The following CPT1B variants were observed in gnomAD, a reference collection of about 807,000 sequenced individuals.
The protein encoded by CPT1B is carnitine O-palmitoyltransferase 1, muscle isoform.
Under a neutral mutation model 92.7 loss-of-function variants are expected in CPT1B, and 57 were observed. That is an observed-to-expected ratio of 0.62 (90% CI 0.50 to 0.77). CPT1B has a LOEUF of 0.77. Ranked by LOEUF, CPT1B falls within the 30% of genes least tolerant of loss-of-function variation. The pLI is 0.00. For missense variants in CPT1B, 983 were observed against 1,017.4 expected, an observed-to-expected ratio of 0.97 and a Z score of 0.46; for synonymous variants, 398 against 383.5, an observed-to-expected ratio of 1.04 and a Z score of -0.44.
At chr22:50,577,097 C>G in intron 3 of CPT1B, 63 bp from the exon 4 acceptor site, 2 of 1,581,142 alleles carry the variant, frequency 1.3e-6, no homozygotes, top group Non-Finnish European at 1.7e-6. Flanking sequence ...TGGCTGTGAA[C>G]TGTCTCAGGG....
chr22:50,574,419 C>G lies in CPT1B; in HGVS notation c.886G>C (p.Val296Leu), dbSNP rs375539120. 1 of 1,613,978 alleles carries G rather than the reference C, an allele frequency of 6.2e-7. No homozygotes were observed. Among genetic ancestry groups the G allele is most frequent in the Non-Finnish European group, 8.5e-7 (1 of 1,180,008 alleles). ...RKLDREEIKP[V>L]MALGIVPMCS... ...ATAGGCACTATGCCCAGTGCCATCA[C>G]CTGAGGGAAGGCCCAGCATGGCTCA... is the stretch of plus-strand genomic sequence containing the variant. The change falls in exon 9 of 20, where the codon GTG becomes CTG. Residue 296 changes from valine (V) to leucine (L), a missense_variant and splice_region_variant. By Grantham distance (32) the Val-to-Leu change is conservative (BLOSUM62 1). Transcript: ENST00000312108.
At position 50,573,529 on chromosome 22, in the gene CPT1B, G is replaced by A. The variant is rs947734932; in HGVS notation, c.1157C>T (p.Ala386Val). ...PGEEKLAALT[A>V]GGRVEWAQAR... Reference sequence around the variant, plus strand: ...TCCTAGAGGCCAATACCTTCCTCCTGCAGTGAGGGCTGCCAGCTTCTCCTC... The same window carrying A: ...TCCTAGAGGCCAATACCTTCCTCCTACAGTGAGGGCTGCCAGCTTCTCCTC... The change falls in exon 10 of 20, where the codon GCA becomes GTA. Residue 386 changes from alanine (A) to valine (V), a missense_variant. Physicochemically the swap from Ala to Val is moderately conservative, Grantham distance 64. Transcript: ENST00000312108. This position sits in a 1 kb window ranked among gnomAD's most constrained non-coding sequence, Gnocchi z 5.0. 14 of 1,610,302 alleles carry A rather than the reference G, an allele frequency of 8.7e-6. No individual in the cohort carries two copies. The highest frequency in any genetic ancestry group is 1.3e-5 in the African/African-American group (1 of 74,860).
In CPT1B at chr22:50,575,779, AC is replaced by A. The variant is rs1055517429; in HGVS notation, c.777+255del. On this transcript the variant is annotated intron_variant, in intron 7 of 19. Transcript: ENST00000312108. ...GAGCCCGAGCTGGGCAGGGGCAGTGACCCCGGGACTCTGAGAAGCGGTGGCA... is the reference window on the plus strand; with the variant it reads ...GAGCCCGAGCTGGGCAGGGGCAGTGACCCGGGACTCTGAGAAGCGGTGGCA... Among the ~76,000 whole-genome samples, 38 of 152,092 alleles carry A rather than the reference AC, an allele frequency of 2.5e-4. 1 individual carries two copies. The highest frequency in any genetic ancestry group is 2.4e-3 in the Admixed American group (37 of 15,260).
chr22:50,573,292 G>A lies in CPT1B; in HGVS notation c.1166+228C>T, dbSNP rs2070273166. The stretch of plus-strand genomic sequence containing the variant: ...TGTGTGCCAGGCTGGGCCTGGAGGT[G>A]GGGGGTGCCAAGCTATTTTGGAGGG... On this transcript the variant is annotated intron_variant, in intron 10 of 19. Transcript: ENST00000312108. The surrounding 1 kb of genome is among the most constrained non-coding windows in gnomAD (Gnocchi z 5.0). Among the ~76,000 whole-genome samples the A allele has an allele frequency of 6.6e-6, 1 of 151,584 alleles. No homozygotes were observed. The highest frequency in any genetic ancestry group is 6.6e-5 in the Admixed American group (1 of 15,232).
chr22:50,569,208 A>T, intron 19 of CPT1B, 127 bp from the exon 20 acceptor site: 1 of 832,446 alleles, frequency 1.2e-6, no homozygotes, highest in Non-Finnish European at 1.9e-6. Context: ...CTGCCCAGCG[A>T]GGACCTGCTG....
intron 15 of CPT1B, 32 bp downstream of exon 15, chr22:50,571,126 C>T (rs2070145897): frequency 6.2e-7 from 1 of 1,612,916 alleles, no homozygotes; most frequent in Non-Finnish European, 8.5e-7. Flanking sequence ...CACCCGACGA[C>T]TGTGACCCCC....
Position 50,573,759 on chromosome 22 carries a change from A to T in CPT1B, c.971-44T>A. 1 of 1,563,012 alleles carries T rather than the reference A, an allele frequency of 6.4e-7. No homozygotes were observed. The highest frequency in any genetic ancestry group is 2.3e-5 in the East Asian group (1 of 43,186). The stretch of plus-strand genomic sequence containing the variant: ...GCAAGCTGAGGCGGGGCCCCCAGCT[A>T]CATCCTGGGAAGGGCCCACCTCCCA... On this transcript the variant is annotated intron_variant, in intron 9 of 19. Transcript: ENST00000312108. This position sits in a 1 kb window ranked among gnomAD's most constrained non-coding sequence, Gnocchi z 5.0.
At position 50,570,393 on chromosome 22, in the gene CPT1B, G is replaced by C. The variant is rs776707163; in HGVS notation, c.2042C>G (p.Pro681Arg). The C allele has an allele frequency of 1.9e-6, 3 of 1,599,278 alleles. No homozygotes were observed. The highest frequency in any genetic ancestry group is 2.6e-6 in the Non-Finnish European group (3 of 1,171,350). ...GATCTGGCTGGTGGAGAGACGCCAG[G>C]GTTCCGAGAGCACCTGCAATGGAGG... ...SPFLAEVLSE[P>R]WRLSTSQIPQ... The change falls in exon 17 of 20, where the codon CCC (proline) becomes CGC (arginine). Residue 681 changes from proline to arginine, a missense_variant. Coordinates refer to ENST00000312108, the MANE Select transcript of CPT1B (RefSeq NM_152246.3).
Position 50,577,319 on chromosome 22 carries a change from C to A in CPT1B, c.281+5G>T. The A allele has an allele frequency of 6.2e-7, 1 of 1,613,626 alleles. No homozygotes were observed. The highest frequency in any genetic ancestry group is 8.5e-7 in the Non-Finnish European group (1 of 1,179,928). ...CACCTGTGCCCTTCCAGTTTCACTC[C>A]TTACCCCTGAGGGAGGCATCTCTGG... On this transcript the variant is annotated splice_donor_5th_base_variant and intron_variant, in intron 3 of 19. Transcript: ENST00000312108.
At position 50,576,131 on chromosome 22, in the gene CPT1B, T is replaced by C. The variant is rs773817042; in HGVS notation, c.700-19A>G. On this transcript the variant is annotated intron_variant, in intron 6 of 19. Coordinates refer to ENST00000312108, the MANE Select transcript of CPT1B (RefSeq NM_152246.3). The stretch of plus-strand genomic sequence containing the variant: ...CACTCACCTGTGGGGAGGTGGAAGG[T>C]TAGAGCTGGGGCGGGTGCAGCCAGG... 10 of 1,614,014 alleles carry C rather than the reference T, an allele frequency of 6.2e-6. No individual in the cohort carries two copies. The highest frequency in any genetic ancestry group is 6.8e-6 in the Non-Finnish European group (8 of 1,179,984).
At chr22:50,575,237 C>T (rs2070379209) in intron 7 of CPT1B, among the ~76,000 whole-genome samples, 1 of 152,190 alleles carries the variant, frequency 6.6e-6, no homozygotes, top group South Asian at 2.1e-4. Flanking sequence ...TCTCGATCTC[C>T]TGACCTTGTG....
chr22:50,576,006 TGCGGG>T, intron 7 of CPT1B, 24 bp downstream of exon 7: 4 of 1,607,382 alleles, frequency 2.5e-6, no homozygotes, highest in Non-Finnish European at 3.4e-6. Context: ...GCTGAGCACG[TGCGGG>T]GACCTGGGGG....
At position 50,574,401 on chromosome 22, in the gene CPT1B, C is replaced by T. The variant is rs1603443384; in HGVS notation, c.904G>A (p.Val302Met). Residue 302 changes from valine (V) to methionine (M), a missense_variant, in exon 9 of 20, where the codon GTG becomes ATG. Transcript: ENST00000312108. ...TCCATCTGGTAGGAGCACATAGGCA[C>T]TATGCCCAGTGCCATCACCTGAGGG... ...EIKPVMALGI[V>M]PMCSYQMERM... 1 of 1,614,128 alleles carries T rather than the reference C, an allele frequency of 6.2e-7. No individual in the cohort carries two copies. Among genetic ancestry groups the T allele is most frequent in the South Asian group, 1.1e-5 (1 of 91,088 alleles).
intron 1 of CPT1B, 69 bp from the exon 2 acceptor site, chr22:50,578,003 C>A (rs2070546339): frequency 1.7e-6 from 2 of 1,184,606 alleles, no homozygotes; most frequent in Admixed American, 6.6e-5. Context: ...GCCGAGACGC[C>A]CCCAGCCAGT....
rs2070331574 is a variant in CPT1B at position 50,574,328 on chromosome 22, C to A, written c.970+7G>T. ...GCCCACAGGTAGCAGCGAGGGGGCT[C>A]AGTTACCTGTGTCCTTGCCCGGGAT... On this transcript the variant is annotated splice_region_variant and intron_variant, in intron 9 of 19. Coordinates refer to ENST00000312108, the MANE Select transcript of CPT1B (RefSeq NM_152246.3). 1 of 1,609,124 alleles carries A rather than the reference C, an allele frequency of 6.2e-7. No homozygotes were observed. Among genetic ancestry groups the A allele is most frequent in the Admixed American group, 1.7e-5 (1 of 59,234 alleles).
intron 3 of CPT1B, 62 bp from the exon 4 acceptor site, chr22:50,577,096 A>G: frequency 6.3e-7 from 1 of 1,583,938 alleles, no homozygotes; most frequent in Non-Finnish European, 8.6e-7. Flanking sequence ...GTGGCTGTGA[A>G]CTGTCTCAGG....
Position 50,573,162 on chromosome 22 carries a change from G to A in CPT1B, c.1167-102C>T. On this transcript the variant is annotated intron_variant, in intron 10 of 19. Transcript: ENST00000312108. This position sits in a 1 kb window ranked among gnomAD's most constrained non-coding sequence, Gnocchi z 5.0. ...GAGATGGGGGTGGGGTGCCAGGCTG[G>A]ACCTGGAGATGGGGGGTACCACGCT... is the stretch of plus-strand genomic sequence containing the variant. 1 of 1,039,478 alleles carries A rather than the reference G, an allele frequency of 9.6e-7. No individual in the cohort carries two copies. The highest frequency in any genetic ancestry group is 1.4e-6 in the Non-Finnish European group (1 of 716,106). The allele number at this position is 1,039,478 out of a possible 1,614,324, so 64.4% of individuals were successfully genotyped here.
In CPT1B at chr22:50,571,310, G is replaced by A. The variant is rs766793618; in HGVS notation, c.1741-18C>T. 5.0e-6 allele frequency: 8 copies of A among 1,613,592 alleles called. No homozygotes were observed. The highest frequency in any genetic ancestry group is 6.8e-6 in the Non-Finnish European group (8 of 1,180,012). Reference sequence around the variant, plus strand: ...CCCCTGTCCTGGGATATACAGAGGGGTGAATCTGGCAGGTGGACCCTGGTA... The same window carrying A: ...CCCCTGTCCTGGGATATACAGAGGGATGAATCTGGCAGGTGGACCCTGGTA... On this transcript the variant is annotated intron_variant, in intron 14 of 19. Coordinates refer to ENST00000312108, the MANE Select transcript of CPT1B (RefSeq NM_152246.3).
intron 1 of CPT1B, 45 bp from the exon 2 acceptor site, chr22:50,577,979 C>CCGCCGCCAGCCGCGCCGAGA: frequency 7.0e-7 from 1 of 1,426,064 alleles, no homozygotes; most frequent in Non-Finnish European, 9.3e-7. Context: ...TAGGCCGGCC[C>CCGCCGCCAGCCGCGCCGAGA]CGCCGCCAGC....
Sources: allele counts gnomAD v4.1 joint callset (sites outside exome capture counted in the v4.1 genomes callset), GRCh38; gene constraint gnomAD v4.1.1; non-coding constraint Gnocchi (gnomAD v3.1); transcripts MANE v1.5; gene names NCBI Gene and HGNC (gene_info 2026-07-23, HGNC 2026-07-21).